CEP131: variants seen among roughly 807,000 people sequenced by gnomAD.
CEP131 encodes the protein centrosomal protein of 131 kDa.
CEP131 carries 99 observed loss-of-function variants against 136.8 expected under a neutral mutation model. The ratio of observed to expected loss-of-function variants is 0.72; its 90% CI spans 0.62 to 0.86. The LOEUF (loss-of-function observed/expected upper bound fraction) is 0.86, where lower values mean the gene tolerates loss of function less well. CEP131 is among the 40% of genes least tolerant of loss of function. CEP131 has a pLI of 0.00. For missense variants in CEP131, 1,459 were observed against 1,463.0 expected (o/e 1.00, Z 0.04); for synonymous variants, 646 against 612.7 (o/e 1.05, Z -0.80).
intron 6 of CEP131, 145 bp from the exon 7 acceptor site, chr17:81,202,543 C>T (rs550898863): frequency 9.7e-6 from 9 of 926,362 alleles, no homozygotes; most frequent in South Asian, 3.5e-5. Flanking sequence ...AGGGGGACAG[C>T]GGCAGGTGCG....
chr17:81,202,851 C>G (rs1282156010), intron 6 of CEP131, among the ~76,000 whole-genome samples: 1 of 152,028 alleles, frequency 6.6e-6, no homozygotes, highest in East Asian at 1.9e-4. Flanking sequence ...GTACTCCCAG[C>G]TACACGGGAG....
At chr17:81,217,999 CCTT>C (rs2062290892) in intron 2 of CEP131, among the ~76,000 whole-genome samples, 1 of 152,002 alleles carries the variant, frequency 6.6e-6, no homozygotes, top group Non-Finnish European at 1.5e-5. Flanking sequence ...CTTTCTTTCT[CCTT>C]CTCCCTCTCC....
At chr17:81,195,740 G>T in intron 16 of CEP131, 95 bp downstream of exon 16, 1 of 1,076,574 alleles carries the variant, frequency 9.3e-7, no homozygotes, top group South Asian at 1.4e-5. Context: ...CAGGAATGAG[G>T]ACTCCAAGTC....
intron 4 of CEP131, 108 bp from the exon 5 acceptor site, chr17:81,206,979 G>A: frequency 2.6e-6 from 4 of 1,535,190 alleles, no homozygotes; most frequent in East Asian, 2.3e-5. Context: ...ATACAGACAG[G>A]TGGATGTCCT....
At chr17:81,194,611 G>A (rs1037628760) in intron 17 of CEP131, among the ~76,000 whole-genome samples, 1 of 152,234 alleles carries the variant, frequency 6.6e-6, no homozygotes, top group African/African-American at 2.4e-5. Flanking sequence ...AGGAAGTGAG[G>A]CACTGAGCCC....
intron 16 of CEP131, among the ~76,000 whole-genome samples, chr17:81,195,460 C>A (rs996576196): frequency 1.3e-5 from 2 of 152,158 alleles, no homozygotes; most frequent in East Asian, 3.9e-4. Context: ...CGGGAAGGGG[C>A]GGGGAGTCAA....
intron 16 of CEP131, among the ~76,000 whole-genome samples, 184 bp from the exon 17 acceptor site, chr17:81,195,156 G>A (rs1304520112): frequency 6.6e-6 from 1 of 151,878 alleles, no homozygotes; most frequent in African/African-American, 2.4e-5. Flanking sequence ...CAGGCTGGAG[G>A]CCCAGGCCCA....
intron 8 of CEP131, chr17:81,200,098 G>A: frequency 1.6e-6 from 1 of 608,298 alleles, no homozygotes; most frequent in Admixed American, 2.9e-5. Flanking sequence ...AGACTCTCCA[G>A]CCTGGGATGG....
At chr17:81,197,177 G>A (rs770580549) in intron 13 of CEP131, 122 bp from the exon 14 acceptor site, 21 of 1,391,864 alleles carry the variant, frequency 1.5e-5, no homozygotes, top group African/African-American at 5.8e-5. Context: ...ACGGGAGCCC[G>A]TGGGAAGCCG....
chr17:81,194,019 T>A lies in CEP131; in HGVS notation c.2228A>T (p.Gln743Leu). The A allele has an allele frequency of 1.9e-6, 3 of 1,570,676 alleles. No individual in the cohort carries two copies. Among genetic ancestry groups the A allele is most frequent in the South Asian group, 2.3e-5 (2 of 85,236 alleles). ...CTCCTCGGCCTGGCGCAGGCAGCGC[T>A]GCGAGGCCCGCTCATCCGACTGCAG... ...ELLQSDERAS[Q>L]RCLRQAEELR... is the part of the protein sequence containing the mutation. Residue 743 changes from glutamine (Q) to leucine (L), a missense_variant, in exon 18 of 26, where the codon CAG (glutamine) becomes CTG (leucine). Physicochemically the swap from Gln to Leu is moderately radical, Grantham distance 113 (BLOSUM62 -2). Coordinates refer to ENST00000450824, the MANE Select transcript of CEP131 (RefSeq NM_014984.4).
intron 18 of CEP131, among the ~76,000 whole-genome samples, chr17:81,193,426 C>T (rs1055795239): frequency 6.6e-6 from 1 of 152,212 alleles, no homozygotes. Context: ...GCAGGAGGGG[C>T]TGCCACTGCC....
At chr17:81,209,396 G>A (rs900216379) in intron 2 of CEP131, among the ~76,000 whole-genome samples, 2 of 152,236 alleles carry the variant, frequency 1.3e-5, no homozygotes, top group East Asian at 1.9e-4. Context: ...GGTCTCCTCC[G>A]TCAGCAGGGT....
At chr17:81,202,196 T>C in intron 7 of CEP131, 44 bp downstream of exon 7, 9 of 822,840 alleles carry the variant, frequency 1.1e-5, no homozygotes, top group Non-Finnish European at 1.5e-5. Context: ...CCCACCTCTG[T>C]GTTCTAGGCT....
chr17:81,218,994 C>G (rs2062322450), intron 2 of CEP131, among the ~76,000 whole-genome samples: 1 of 152,252 alleles, frequency 6.6e-6, no homozygotes, highest in African/African-American at 2.4e-5. Flanking sequence ...TTCGGAAGCT[C>G]AGGCCAGACT....
intron 21 of CEP131, among the ~76,000 whole-genome samples, chr17:81,191,897 G>A (rs556046409): frequency 1.8e-3 from 280 of 152,300 alleles, no homozygotes; most frequent in African/African-American, 6.3e-3. Context: ...CGGCGGGCAT[G>A]GGTGGTGAGA....
Position 81,189,967 on chromosome 17 carries a change from G to A in CEP131, c.3116C>T (p.Thr1039Ile), listed in dbSNP as rs999206437. 6 of 1,609,474 alleles carry A rather than the reference G, an allele frequency of 3.7e-6. No individual in the cohort carries two copies. In the Admixed American group the frequency reaches 5.0e-5, roughly 13 times the overall value. Residue 1039 changes from threonine (T) to isoleucine (I), a missense_variant, in exon 25 of 26, where the codon ACA becomes ATA. By Grantham distance (89) the Thr-to-Ile change is moderately conservative. Transcript: ENST00000450824. ...GGCCTCCTCCTTCCTCGCGAGGGCT[G>A]TCTTCACCCTGTGGGTAGTACATGG... is the stretch of plus-strand genomic sequence containing the variant. ...ELEEVHRRVK[T>I]ALARKEEAVS...
At position 81,203,496 on chromosome 17, in the gene CEP131, G is replaced by C; in HGVS notation, c.627C>G (p.Leu209=). 6.3e-7 allele frequency: 1 copy of C among 1,598,674 alleles called. No homozygotes were observed. Among genetic ancestry groups the C allele is most frequent in the Non-Finnish European group, 8.5e-7 (1 of 1,173,624 alleles). Residue 209 remains leucine (L), a splice_region_variant and synonymous_variant, in exon 6 of 26, where the codon CTC becomes CTG. Coordinates refer to ENST00000450824, the MANE Select transcript of CEP131 (RefSeq NM_014984.4). This position sits in a 1 kb window ranked among gnomAD's most constrained non-coding sequence, Gnocchi z 4.6. ...LKSSNQTAPS[L]NNIIKAATCE... ...GCGGCCTCCCCAGAAGACCTTACTT[G>C]AGGGAGGGGGCAGTCTGGTTGGAGC...
rs775341883 is a variant in CEP131 at position 81,192,783 on chromosome 17, G to A, written c.2382C>T (p.Tyr794=). Residue 794 remains tyrosine, a synonymous_variant, in exon 19 of 26, where the codon TAC becomes TAT. Coordinates refer to ENST00000450824, the MANE Select transcript of CEP131 (RefSeq NM_014984.4). ...WALQQQRQRL[Y]SEVAEERERL... ...GCTCCCTCTCCTCAGCCACCTCACTGTACAGCCGCTGCCGTTGCTGCTGCA... is the reference window on the plus strand; with the variant it reads ...GCTCCCTCTCCTCAGCCACCTCACTATACAGCCGCTGCCGTTGCTGCTGCA... 8.1e-6 allele frequency: 13 copies of A among 1,597,208 alleles called. No individual in the cohort carries two copies. In the South Asian group the frequency reaches 1.2e-4, roughly 15 times the overall value.
In CEP131 at chr17:81,202,295, C is replaced by A; in HGVS notation, c.733G>T (p.Gly245Trp). 1 of 1,613,526 alleles carries A rather than the reference C, an allele frequency of 6.2e-7. No homozygotes were observed. The change falls in exon 7 of 26, where the codon GGG (glycine) becomes TGG (tryptophan). Residue 245 changes from glycine to tryptophan, a missense_variant. Physicochemically the swap from Gly to Trp is radical, Grantham distance 184. Coordinates refer to ENST00000450824, the MANE Select transcript of CEP131 (RefSeq NM_014984.4). ...CGCCTGGGCAAGCCCGTGCTGCCCC[C>A]AGTATTGTTCCGGGCTGAGTGGGTG... ...SATHSARNNT[G>W]GSTGLPRRKE...
Sources: gnomAD v4.1 joint callset for allele counts (sites outside exome capture counted in the v4.1 genomes callset) on GRCh38, gnomAD v4.1.1 for gene constraint, Gnocchi (gnomAD v3.1) non-coding constraint, MANE v1.5 for transcripts, NCBI Gene and HGNC (gene_info 2026-07-23, HGNC 2026-07-21) for gene names.